Variants in ANKRD11 observed in about 807,000 individuals in gnomAD.
ANKRD11 encodes the protein ankyrin repeat domain-containing protein 11.
In ANKRD11, 17 loss-of-function variants were observed where a neutral mutation model predicts 195.7. The observed-to-expected ratio is 0.09, with a 90% confidence interval of 0.06 to 0.13. The LOEUF is 0.13. Ranked by LOEUF, ANKRD11 falls within the 10% of genes least tolerant of loss-of-function variation. The probability of loss-of-function intolerance (pLI) is 1.00; values close to 1 mark genes in which losing one functional copy is unlikely to be tolerated. For synonymous variants in ANKRD11, 1,953 were observed against 1,528.1 expected, an observed-to-expected ratio of 1.28 and a Z score of -6.49; for missense variants, 3,735 against 3,566.1, an observed-to-expected ratio of 1.05 and a Z score of -1.21.
rs143279397 is a variant in ANKRD11 at position 89,284,284 on chromosome 16, G to A, written c.2258C>T (p.Pro753Leu). 67 of 1,612,850 alleles carry A rather than the reference G, an allele frequency of 4.2e-5. 1 individual carries two copies. Among genetic ancestry groups the A allele is most frequent in the South Asian group, 3.0e-4 (27 of 91,042 alleles). The change falls in exon 9 of 13, where the codon CCG (proline) becomes CTG (leucine). Residue 753 changes from proline (P) to leucine (L), a missense_variant. Pro to Leu is a moderately conservative substitution (Grantham distance 98). Coordinates refer to ENST00000301030, the MANE Select transcript of ANKRD11 (RefSeq NM_013275.6). Reference sequence around the variant, plus strand: ...GTACAGTCTCAGTTTTTCTTCTTTCGGAGACTTTTCCTTCAGCGATCTCTC... The same window carrying A: ...GTACAGTCTCAGTTTTTCTTCTTTCAGAGACTTTTCCTTCAGCGATCTCTC... The part of the protein sequence containing the change: ...EKERSLKEKS[P>L]KEEKLRLYKE...
rs530299307 is a variant in ANKRD11, at chr16:89,430,162, G to A, written c.-144-11794C>T. On this transcript the variant is annotated intron_variant, in intron 1 of 12. Transcript: ENST00000301030. The stretch of plus-strand genomic sequence containing the variant: ...GGACTCTCAACTCTCGCGCTCAGTC[G>A]TTCTAGTACATAGCAGGGACTCTCA... Among the ~76,000 whole-genome samples the A allele has an allele frequency of 1.3e-3, 128 of 97,342 alleles. 4 individuals carry two copies. The highest frequency in any genetic ancestry group is 1.9e-3 in the Non-Finnish European group (92 of 47,466). 63.9% of individuals were successfully genotyped at this position (97,342 alleles called of 152,430 possible).
At chr16:89,380,693 G>C (rs1187751511) in intron 2 of ANKRD11, among the ~76,000 whole-genome samples, 2 of 152,356 alleles carry the variant, frequency 1.3e-5, no homozygotes, top group African/African-American at 2.4e-5. Flanking sequence ...AGGAAAGCCT[G>C]ACGAGTACCT....
In ANKRD11 at chr16:89,286,327, G is replaced by A. The variant is rs749815866; in HGVS notation, c.745-141C>T. 3.0e-5 allele frequency: 37 copies of A among 1,227,026 alleles called. 1 individual carries two copies. The Admixed American group carries it at 4.3e-4, about 14-fold the overall frequency. 76.0% of individuals were successfully genotyped at this position (1,227,026 alleles called of 1,614,324 possible). ...CTCACGGTCTGAGGGTGTGGGAGCC[G>A]AGCGCCCAGGGACTGCCTGGCGAGG... On this transcript the variant is annotated intron_variant, in intron 7 of 12. Coordinates refer to ENST00000301030, the MANE Select transcript of ANKRD11 (RefSeq NM_013275.6).
chr16:89,471,570 A>G (rs562756300), intron 1 of ANKRD11, among the ~76,000 whole-genome samples: 55 of 152,264 alleles, frequency 3.6e-4, no homozygotes, highest in African/African-American at 1.2e-3. Context: ...AGGTGGGCAG[A>G]TCACCTGAGG....
intron 12 of ANKRD11, among the ~76,000 whole-genome samples, 175 bp from the exon 13 acceptor site, chr16:89,268,838 C>A (rs2032867434): frequency 6.6e-6 from 1 of 152,234 alleles, no homozygotes; most frequent in Non-Finnish European, 1.5e-5. Flanking sequence ...GTGGCGGTAG[C>A]GCCAGCTGTG....
chr16:89,295,244 G>A (rs906060038), intron 4 of ANKRD11, among the ~76,000 whole-genome samples: 1 of 152,250 alleles, frequency 6.6e-6, no homozygotes, highest in Admixed American at 6.5e-5. Context: ...GTGGGCTCAG[G>A]CAGCCTGGGG....
At position 89,321,467 on chromosome 16, in the gene ANKRD11, G is replaced by GGCGGC. The variant is rs1460219515; in HGVS notation, c.-59-4390_-59-4389insGCCGC. ...GTGTGGGGCGGGAGCTGCGGGGCGG[G>GGCGGC]GACTGTGGGGCCGGGTGGGGAGCCG... On this transcript the variant is annotated intron_variant, in intron 2 of 12. Coordinates refer to ENST00000301030, the MANE Select transcript of ANKRD11 (RefSeq NM_013275.6). Among the ~76,000 whole-genome samples, 920 of 150,474 alleles carry GGCGGC rather than the reference G, an allele frequency of 6.1e-3. 8 individuals are homozygous for GGCGGC. The highest frequency in any genetic ancestry group is 0.021 in the African/African-American group (861 of 40,924).
At chr16:89,449,611 T>G (rs1032389148) in intron 1 of ANKRD11, among the ~76,000 whole-genome samples, 2 of 151,850 alleles carry the variant, frequency 1.3e-5, no homozygotes, top group African/African-American at 4.8e-5. Flanking sequence ...CTGACCAACA[T>G]GGAGAAACCC....
rs200207942 is a variant in ANKRD11 at position 89,281,103 on chromosome 16, C to T, written c.5439G>A (p.Gln1813=). The T allele has an allele frequency of 1.2e-6, 2 of 1,611,176 alleles. No individual in the cohort carries two copies. Among genetic ancestry groups the T allele is most frequent in the East Asian group, 4.5e-5 (2 of 44,802 alleles). Residue 1813 remains glutamine (Q), a synonymous_variant, in exon 9 of 13, where the codon CAG becomes CAA. Transcript: ENST00000301030. The surrounding 1 kb of genome is among the most constrained non-coding windows in gnomAD (Gnocchi z 5.5). ...CGTAGCTGGAGGCAGCAGGAACGCT[C>T]TGCTGCCTGAAGAGCTTGTCTCCGA... is the stretch of plus-strand genomic sequence containing the variant. ...FSVGDKLFRQ[Q]SVPAASSYDS... is the part of the protein sequence containing the mutation.
Position 89,280,490 on chromosome 16 carries a change from G to A in ANKRD11, c.6052C>T (p.Pro2018Ser). 2 of 1,587,094 alleles carry A rather than the reference G, an allele frequency of 1.3e-6. No individual in the cohort carries two copies. Among genetic ancestry groups the A allele is most frequent in the South Asian group, 1.1e-5 (1 of 89,096 alleles). ...FSASEAPYPA[P>S]PASPAPYALP... Reference sequence around the variant, plus strand: ...GCGTACGGGGCAGGAGAGGCGGGAGGGGCGGGGTACGGCGCCTCCGAGGCG... The same window carrying A: ...GCGTACGGGGCAGGAGAGGCGGGAGAGGCGGGGTACGGCGCCTCCGAGGCG... The change falls in exon 9 of 13, where the codon CCT becomes TCT. Residue 2018 changes from proline to serine, a missense_variant. Transcript: ENST00000301030.
chr16:89,285,697 CTCCCCA>C lies in ANKRD11; in HGVS notation c.893-54_893-49del. 6.3e-7 allele frequency: 1 copy of C among 1,597,486 alleles called. No homozygotes were observed. Among genetic ancestry groups the C allele is most frequent in the East Asian group, 2.2e-5 (1 of 44,782 alleles). On this transcript the variant is annotated intron_variant, in intron 8 of 12. Coordinates refer to ENST00000301030, the MANE Select transcript of ANKRD11 (RefSeq NM_013275.6). The surrounding 1 kb of genome is among the most constrained non-coding windows in gnomAD (Gnocchi z 5.6). ...GGTCACAGGCAGGCTCAAAACAGCT[CTCCCCA>C]GAATGGCAGAGGAGGGAGGCTCTGC...
intron 2 of ANKRD11, among the ~76,000 whole-genome samples, chr16:89,381,011 A>G (rs1374545700): frequency 6.6e-6 from 1 of 152,196 alleles, no homozygotes; most frequent in Non-Finnish European, 1.5e-5. Context: ...CACACGGTAA[A>G]CAATCGATCC....
intron 4 of ANKRD11, chr16:89,300,664 C>A: frequency 1.9e-6 from 1 of 517,544 alleles, no homozygotes; most frequent in Non-Finnish European, 3.4e-6. Flanking sequence ...CAGGAGCCGT[C>A]AGAACAGCCG....
At chr16:89,428,044 A>C (rs1158295268) in intron 1 of ANKRD11, among the ~76,000 whole-genome samples, 5 of 149,814 alleles carry the variant, frequency 3.3e-5, no homozygotes, top group Non-Finnish European at 7.4e-5. Context: ...GCCATCTCTA[A>C]TAAAAATACA....
At chr16:89,292,002 T>G (rs1436346205) in intron 4 of ANKRD11, among the ~76,000 whole-genome samples, 1 of 152,124 alleles carries the variant, frequency 6.6e-6, no homozygotes, top group East Asian at 1.9e-4. Flanking sequence ...AGAAGATGCC[T>G]CCTCCTCTGC....
At chr16:89,313,646 T>C (rs1407154658) in intron 3 of ANKRD11, 1 of 1,271,374 alleles carries the variant, frequency 7.9e-7, no homozygotes, top group Admixed American at 2.3e-5. Context: ...AGGGAGTTTA[T>C]GGTAGAAGAC....
Position 89,294,482 on chromosome 16 carries a change from CCCA to C in ANKRD11, c.227-3302_227-3300del, listed in dbSNP as rs1406321421. On this transcript the variant is annotated intron_variant, in intron 4 of 12. Coordinates refer to ENST00000301030, the MANE Select transcript of ANKRD11 (RefSeq NM_013275.6). Reference sequence around the variant, plus strand: ...CCTGCAGCTACGAGCATCTACAACGCCCACAACACGCGCCAGACACCACCCAAG... The same window carrying C: ...CCTGCAGCTACGAGCATCTACAACGCCAACACGCGCCAGACACCACCCAAG... 2.0e-5 allele frequency among the ~76,000 whole-genome samples: 3 copies of C among 152,156 alleles called. No homozygotes were observed. The East Asian group carries it at 5.8e-4, about 29-fold the overall frequency.
rs1323199753 is a variant in ANKRD11 at position 89,280,208 on chromosome 16, G to T, written c.6334C>A (p.Leu2112Ile). 1.9e-6 allele frequency: 3 copies of T among 1,608,424 alleles called. No homozygotes were observed. Among genetic ancestry groups the T allele is most frequent in the Non-Finnish European group, 2.5e-6 (3 of 1,179,256 alleles). ...CAGGGCACCGGCTCCACCTGGCCGAGGTGAGACAGGCCGCGGCTGCCGTCC... is the reference window on the plus strand; with the variant it reads ...CAGGGCACCGGCTCCACCTGGCCGATGTGAGACAGGCCGCGGCTGCCGTCC... Reference protein sequence around the residue: ...FLDGSRGLSHLGQVEPVPWAD... With the variant: ...FLDGSRGLSHIGQVEPVPWAD... The change falls in exon 9 of 13, where the codon CTC becomes ATC. Residue 2112 changes from leucine (L) to isoleucine (I), a missense_variant. Leu to Ile is a conservative substitution (Grantham distance 5). Transcript: ENST00000301030.
intron 12 of ANKRD11, among the ~76,000 whole-genome samples, chr16:89,269,328 A>AGAT: frequency 1.3e-5 from 2 of 152,196 alleles, no homozygotes; most frequent in Middle Eastern, 3.4e-3. Flanking sequence ...ATTTTTGTAG[A>AGAT]GATGGGGTTT....
Sources: gnomAD v4.1 joint callset for allele counts (sites outside exome capture counted in the v4.1 genomes callset) on GRCh38, gnomAD v4.1.1 for gene constraint, Gnocchi (gnomAD v3.1) non-coding constraint, MANE v1.5 for transcripts, NCBI Gene and HGNC (gene_info 2026-07-23, HGNC 2026-07-21) for gene names.